The following MIB1 variants were observed in gnomAD, a reference collection of about 807,000 sequenced individuals.
MIB1 encodes the protein E3 ubiquitin-protein ligase MIB1.
MIB1 carries 278 observed loss-of-function variants against 124.5 expected under a neutral mutation model. That is an observed-to-expected ratio of 2.23 (90% CI 2.02 to 2.47). The LOEUF is 2.47. MIB1 is among the 30% of genes most tolerant of loss of function. The pLI is 0.00. For synonymous variants in MIB1, 446 were observed against 429.4 expected (o/e 1.04, Z -0.48); for missense variants, 957 against 1,254.4 (o/e 0.76, Z 3.58).
At chr18:21,796,365 G>A (rs2041579796) in intron 7 of MIB1, among the ~76,000 whole-genome samples, 2 of 151,952 alleles carry the variant, frequency 1.3e-5, no homozygotes, top group South Asian at 4.2e-4. Flanking sequence ...GACACAGGGA[G>A]GGGAACATCA....
chr18:21,783,093 T>A (rs1292563789), intron 6 of MIB1, among the ~76,000 whole-genome samples: 1 of 152,168 alleles, frequency 6.6e-6, no homozygotes, highest in African/African-American at 2.4e-5. Flanking sequence ...TTATTCCTGC[T>A]CTTTTTTGGT....
intron 4 of MIB1, among the ~76,000 whole-genome samples, chr18:21,777,101 G>T (rs1393597071): frequency 6.6e-6 from 1 of 152,040 alleles, no homozygotes; most frequent in African/African-American, 2.4e-5. Flanking sequence ...GTTTTGGTTT[G>T]TTTTTGGTAA....
chr18:21,829,076 A>G (rs1355583753), intron 12 of MIB1: 1 of 470,982 alleles, frequency 2.1e-6, no homozygotes, highest in Non-Finnish European at 4.4e-6. Flanking sequence ...AGAAGTATGT[A>G]CTCTGAGTAG....
rs142923254 is a variant in MIB1 at position 21,758,680 on chromosome 18, G to A, written c.230-7092G>A. 6.6e-5 allele frequency among the ~76,000 whole-genome samples: 10 copies of A among 152,070 alleles called. No homozygotes were observed. In the East Asian group the frequency reaches 1.9e-3, roughly 29 times the overall value. On this transcript the variant is annotated intron_variant, in intron 1 of 20. Coordinates refer to ENST00000261537, the MANE Select transcript of MIB1 (RefSeq NM_020774.4). ...CTCTCAAGTAGCTGGGACTACAGGCGTGTGCCACCACACCCGGCTAATTTT... is the reference window on the plus strand; with the variant it reads ...CTCTCAAGTAGCTGGGACTACAGGCATGTGCCACCACACCCGGCTAATTTT...
At chr18:21,746,726 G>C (rs918256537) in intron 1 of MIB1, among the ~76,000 whole-genome samples, 1 of 152,114 alleles carries the variant, frequency 6.6e-6, no homozygotes, top group East Asian at 1.9e-4. Context: ...TCTTCGTGTC[G>C]ATAATACAGA....
intron 6 of MIB1, among the ~76,000 whole-genome samples, chr18:21,788,597 A>T (rs2041465206): frequency 6.6e-6 from 1 of 152,272 alleles, no homozygotes; most frequent in Non-Finnish European, 1.5e-5. Context: ...GTTCAACATT[A>T]TACCAGAGGT....
intron 10 of MIB1, among the ~76,000 whole-genome samples, chr18:21,809,371 A>G (rs1053014682): frequency 1.3e-5 from 2 of 152,124 alleles, no homozygotes; most frequent in African/African-American, 4.8e-5. Context: ...AACTTTTCCA[A>G]CAAATTAGAG....
chr18:21,761,422 T>A (rs1381571450), intron 1 of MIB1, among the ~76,000 whole-genome samples: 1 of 152,226 alleles, frequency 6.6e-6, no homozygotes, highest in East Asian at 1.9e-4. Context: ...GAAATACAGG[T>A]ATACCTCTGT....
chr18:21,712,768 G>A (rs962214375), intron 1 of MIB1, among the ~76,000 whole-genome samples: 3 of 152,138 alleles, frequency 2.0e-5, no homozygotes, highest in African/African-American at 7.2e-5. Context: ...CTGGACCTAT[G>A]ACCCATGGGA....
intron 20 of MIB1, among the ~76,000 whole-genome samples, chr18:21,862,653 G>A (rs916982818): frequency 2.0e-5 from 3 of 152,148 alleles, no homozygotes; most frequent in African/African-American, 7.2e-5. Flanking sequence ...GCAGCACAGT[G>A]TCTAAGAGCA....
chr18:21,763,927 A>T lies in MIB1; in HGVS notation c.230-1845A>T, dbSNP rs561560519. Among the ~76,000 whole-genome samples, 170 of 150,788 alleles carry T rather than the reference A, an allele frequency of 1.1e-3. 1 individual carries two copies. In the South Asian group the frequency reaches 0.015, roughly 13 times the overall value. On this transcript the variant is annotated intron_variant, in intron 1 of 20. Transcript: ENST00000261537. ...CACACTGCAGCAGGAGTGATTTTTTATTTTTTTTATTTTTTTTATTTTTTT... is the reference window on the plus strand; with the variant it reads ...CACACTGCAGCAGGAGTGATTTTTTTTTTTTTTTATTTTTTTTATTTTTTT...
At chr18:21,743,496 G>T (rs951043572) in intron 1 of MIB1, among the ~76,000 whole-genome samples, 1 of 152,148 alleles carries the variant, frequency 6.6e-6, no homozygotes, top group Admixed American at 6.5e-5. Context: ...TATTTCTGAA[G>T]AAGTGGAATT....
At chr18:21,762,356 T>C (rs1352649974) in intron 1 of MIB1, among the ~76,000 whole-genome samples, 3 of 152,230 alleles carry the variant, frequency 2.0e-5, no homozygotes, top group African/African-American at 7.2e-5. Flanking sequence ...ACTATTATTA[T>C]GTAAATTATG....
intron 1 of MIB1, among the ~76,000 whole-genome samples, chr18:21,719,749 GC>G (rs1357650271): frequency 6.6e-6 from 1 of 151,626 alleles, no homozygotes; most frequent in Non-Finnish European, 1.5e-5. Flanking sequence ...GAGCCACTGT[GC>G]CCGGCCCTTT....
At position 21,778,090 on chromosome 18, in the gene MIB1, C is replaced by G. The variant is rs771928152; in HGVS notation, c.637-13C>G. 1 of 1,604,888 alleles carries G rather than the reference C, an allele frequency of 6.2e-7. No homozygotes were observed. Among genetic ancestry groups the G allele is most frequent in the South Asian group, 1.1e-5 (1 of 90,784 alleles). On this transcript the variant is annotated splice_polypyrimidine_tract_variant and intron_variant, in intron 4 of 20. Transcript: ENST00000261537. ...GTTTCATGGGTGATTTTTCTGGTTT[C>G]TTTTCTTCTTAGTCTGATCTGAAAT...
chr18:21,741,528 CG>C lies in MIB1; in HGVS notation c.-54del. 1.6e-6 allele frequency: 2 copies of C among 1,270,182 alleles called. No individual in the cohort carries two copies. The highest frequency in any genetic ancestry group is 3.0e-4 in the Middle Eastern group (1 of 3,366). The allele number at this position is 1,270,182 out of a possible 1,614,324, so 78.7% of individuals were successfully genotyped here. ...GGGCCCAACTCCCTCACGGGCCCCC[CG>C]GCGGCAGCGGCGGCGGCGGCGGCGG... On this transcript the variant is annotated 5_prime_UTR_variant, in exon 1 of 21. Transcript: ENST00000261537. This position sits in a 1 kb window ranked among gnomAD's most constrained non-coding sequence, Gnocchi z 5.4.
intron 11 of MIB1, among the ~76,000 whole-genome samples, chr18:21,818,421 A>G (rs1462997061): frequency 1.3e-5 from 2 of 152,208 alleles, no homozygotes; most frequent in African/African-American, 2.4e-5. Flanking sequence ...TTAAACTTAT[A>G]AAATTTGGGG....
chr18:21,744,917 T>C (rs2146378581), intron 1 of MIB1, among the ~76,000 whole-genome samples: 1 of 152,322 alleles, frequency 6.6e-6, no homozygotes, highest in Non-Finnish European at 1.5e-5. Context: ...ACTTTTGACT[T>C]CATGAAGTCC....
intron 10 of MIB1, among the ~76,000 whole-genome samples, chr18:21,815,011 T>TA: frequency 1.9e-5 from 1 of 52,652 alleles, no homozygotes; most frequent in African/African-American, 6.2e-5. Flanking sequence ...GCTGTTGGTT[T>TA]TATATATATA....
Sources: allele counts gnomAD v4.1 joint callset (sites outside exome capture counted in the v4.1 genomes callset), GRCh38; gene constraint gnomAD v4.1.1; non-coding constraint Gnocchi (gnomAD v3.1); transcripts MANE v1.5; gene names NCBI Gene and HGNC (gene_info 2026-07-23, HGNC 2026-07-21).